DNAH2: variants seen among roughly 807,000 people sequenced by gnomAD.
DNAH2 encodes axonemal beta dynein heavy chain 2.
A neutral mutation model predicts 523.5 loss-of-function variants in DNAH2; 323 were observed. The observed-to-expected ratio is 0.62, with a 90% confidence interval of 0.56 to 0.68. DNAH2 has a LOEUF of 0.68. Ranked by LOEUF, DNAH2 falls within the 30% of genes least tolerant of loss-of-function variation. The pLI is 0.00. For synonymous variants in DNAH2, 2,093 were observed against 2,177.4 expected (o/e 0.96, Z 1.08); for missense variants, 4,907 against 5,701.5 (o/e 0.86, Z 4.49).
chr17:7,773,358 T>A (rs2076367966), intron 28 of DNAH2, among the ~76,000 whole-genome samples: 2 of 152,204 alleles, frequency 1.3e-5, no homozygotes, highest in African/African-American at 4.8e-5. Flanking sequence ...AGCTCTTGGG[T>A]TGGCCAGTGG....
rs35943055 is a variant in DNAH2 at position 7,826,535 on chromosome 17, C to CTTTTTTT, written c.11853+1824_11853+1830dup. Among the ~76,000 whole-genome samples the CTTTTTTT allele has an allele frequency of 1.5e-4, 17 of 111,254 alleles. No individual in the cohort carries two copies. The East Asian group carries it at 1.6e-3, about 10-fold the overall frequency. The allele number at this position is 111,254 out of a possible 152,430, so 73.0% of individuals were successfully genotyped here. The stretch of plus-strand genomic sequence containing the variant: ...CCTTGAATATCTGTGTGCCCATCAT[C>CTTTTTTT]TTTTTTTTTTTTTTTTTTTTTTGAG... On this transcript the variant is annotated intron_variant, in intron 77 of 85. Coordinates refer to ENST00000572933, the MANE Select transcript of DNAH2 (RefSeq NM_020877.5).
chr17:7,817,227 C>T, intron 64 of DNAH2, 63 bp from the exon 65 acceptor site: 1 of 1,551,246 alleles, frequency 6.4e-7, no homozygotes. Flanking sequence ...CCTTCAAAAG[C>T]ATTCCAAGTG....
At chr17:7,721,405 C>T (rs1412264704) in intron 2 of DNAH2, among the ~76,000 whole-genome samples, 1 of 152,098 alleles carries the variant, frequency 6.6e-6, no homozygotes, top group Non-Finnish European at 1.5e-5. Context: ...AACTCCTGTC[C>T]TCGAGTGATC....
At chr17:7,823,764 C>T (rs2077935507) in intron 74 of DNAH2, 70 bp from the exon 75 acceptor site, 2 of 1,587,592 alleles carry the variant, frequency 1.3e-6, no homozygotes, top group Non-Finnish European at 1.7e-6. Context: ...CCGGCAGGTG[C>T]CCCTTTGTCT....
At position 7,807,299 on chromosome 17, in the gene DNAH2, A is replaced by C; in HGVS notation, c.9592A>C (p.Met3198Leu). 6.2e-7 allele frequency: 1 copy of C among 1,612,978 alleles called. No individual in the cohort carries two copies. The highest frequency in any genetic ancestry group is 8.5e-7 in the Non-Finnish European group (1 of 1,179,684). The change falls in exon 62 of 86, where the codon ATG becomes CTG. Residue 3198 changes from methionine to leucine, a missense_variant. Coordinates refer to ENST00000572933, the MANE Select transcript of DNAH2 (RefSeq NM_020877.5). The surrounding 1 kb of genome is among the most constrained non-coding windows in gnomAD (Gnocchi z 5.6). ...RVSLAAKSLCMWVRAMELYGR... is the reference protein window; with the variant it reads ...RVSLAAKSLCLWVRAMELYGR... ...CTCCCTGGCTGCCAAGTCCCTCTGC[A>C]TGTGGGTGCGGGCCATGGAGGTAAA...
chr17:7,792,201 G>A, intron 45 of DNAH2, 51 bp from the exon 46 acceptor site: 1 of 1,604,288 alleles, frequency 6.2e-7, no homozygotes, highest in Non-Finnish European at 8.5e-7. Flanking sequence ...TCTCTGGGCT[G>A]GAGAAGGCTC....
At chr17:7,775,553 C>T (rs534492027) in intron 30 of DNAH2, among the ~76,000 whole-genome samples, 2 of 152,128 alleles carry the variant, frequency 1.3e-5, no homozygotes, top group East Asian at 1.9e-4. Context: ...GGCGCGGTGG[C>T]GCATGCTGGT....
intron 3 of DNAH2, among the ~76,000 whole-genome samples, chr17:7,726,132 A>T (rs1476275455): frequency 6.6e-6 from 1 of 151,910 alleles, no homozygotes; most frequent in Non-Finnish European, 1.5e-5. Flanking sequence ...CAGCCTCCCA[A>T]GTAGCTGGGA....
intron 18 of DNAH2, among the ~76,000 whole-genome samples, chr17:7,762,331 C>CTTT (rs35824439): frequency 2.8e-4 from 31 of 111,788 alleles, no homozygotes; most frequent in East Asian, 1.0e-3. Flanking sequence ...CGTAGGATTT[C>CTTT]TTTTTTTTTT....
At chr17:7,721,318 C>T (rs1229996175) in intron 2 of DNAH2, among the ~76,000 whole-genome samples, 2 of 152,140 alleles carry the variant, frequency 1.3e-5, no homozygotes, top group South Asian at 2.1e-4. Context: ...GGATTACAGG[C>T]GTGTGCCACC....
intron 52 of DNAH2, 64 bp from the exon 53 acceptor site, chr17:7,797,616 G>A: frequency 6.2e-7 from 1 of 1,613,828 alleles, no homozygotes; most frequent in African/African-American, 1.3e-5. Context: ...TCTGAAGTGT[G>A]GAGCCCTGTG....
In DNAH2 at chr17:7,774,720, G is replaced by A. The variant is rs151003263; in HGVS notation, c.4502-39G>A. 5.1e-3 allele frequency: 8,114 copies of A among 1,585,350 alleles called. 25 individuals are homozygous for A. Among genetic ancestry groups the A allele is most frequent in the Middle Eastern group, 8.5e-3 (51 of 5,968 alleles). On this transcript the variant is annotated intron_variant, in intron 28 of 85. Transcript: ENST00000572933. ...GGCATCCAGATCCGCCCAGGGCAGT[G>A]GAAATGAATCAAATGTCATTCATCG... is the stretch of plus-strand genomic sequence containing the variant.
Position 7,798,454 on chromosome 17 carries a change from C to G in DNAH2, c.8399-104C>G. The G allele has an allele frequency of 6.5e-7, 1 of 1,545,668 alleles. No individual in the cohort carries two copies. Among genetic ancestry groups the G allele is most frequent in the Non-Finnish European group, 8.7e-7 (1 of 1,146,632 alleles). On this transcript the variant is annotated intron_variant, in intron 54 of 85. Coordinates refer to ENST00000572933, the MANE Select transcript of DNAH2 (RefSeq NM_020877.5). The surrounding 1 kb of genome is among the most constrained non-coding windows in gnomAD (Gnocchi z 5.5). ...CCGTGTTGGGTGTAGGATGGTGTCG[C>G]GTGTATGCTGCGGGGCGGGGAGGGT...
chr17:7,734,268 C>A lies in DNAH2; in HGVS notation c.714C>A (p.Asp238Glu). ...MNMKPEMVIK[D>E]KELVQRLETS... ...TGAAGCCTGAGATGGTGATAAAGGA[C>A]AAAGAGCTGGTGCAACGGCTAGAGA... Residue 238 changes from aspartate (D) to glutamate (E), a missense_variant, in exon 6 of 86, where the codon GAC (aspartate) becomes GAA (glutamate). Coordinates refer to ENST00000572933, the MANE Select transcript of DNAH2 (RefSeq NM_020877.5). 1 of 1,607,188 alleles carries A rather than the reference C, an allele frequency of 6.2e-7. No individual in the cohort carries two copies. Among genetic ancestry groups the A allele is most frequent in the South Asian group, 1.1e-5 (1 of 89,746 alleles).
At chr17:7,731,565 T>C (rs2074989834) in intron 4 of DNAH2, among the ~76,000 whole-genome samples, 1 of 152,154 alleles carries the variant, frequency 6.6e-6, no homozygotes, top group Admixed American at 6.5e-5. Context: ...TATATAGCTA[T>C]AGAAAAATAT....
chr17:7,794,738 T>C (rs1204288782), intron 49 of DNAH2, among the ~76,000 whole-genome samples: 7 of 150,308 alleles, frequency 4.7e-5, no homozygotes, highest in Non-Finnish European at 1.0e-4. Flanking sequence ...GGAGAAATAA[T>C]ATGTTAACAC....
Position 7,743,062 on chromosome 17 carries a change from G to A in DNAH2, c.1824G>A (p.Lys608=), listed in dbSNP as rs756306287. The change falls in exon 12 of 86, where the codon AAG becomes AAA. Residue 608 remains lysine, a synonymous_variant. Coordinates refer to ENST00000572933, the MANE Select transcript of DNAH2 (RefSeq NM_020877.5). Reference sequence around the variant, plus strand: ...AAGAGTGGACATCAAGTCTGGACAAGGATTGCATTCGGCGGTTGGATACCC... The same window carrying A: ...AAGAGTGGACATCAAGTCTGGACAAAGATTGCATTCGGCGGTTGGATACCC... ...TFQEWTSSLD[K]DCIRRLDTPL... The A allele has an allele frequency of 2.0e-6, 3 of 1,536,426 alleles. No homozygotes were observed. The highest frequency in any genetic ancestry group is 1.8e-4 in the Middle Eastern group (1 of 5,670).
At chr17:7,749,531 C>G (rs1244837170) in intron 12 of DNAH2, among the ~76,000 whole-genome samples, 1 of 151,890 alleles carries the variant, frequency 6.6e-6, no homozygotes, top group Non-Finnish European at 1.5e-5. Context: ...TGTATCTATT[C>G]ACACACTTCC....
At chr17:7,796,870 A>G (rs555604524) in intron 50 of DNAH2, among the ~76,000 whole-genome samples, 1 of 146,904 alleles carries the variant, frequency 6.8e-6, no homozygotes, top group South Asian at 2.2e-4. Context: ...CAGGCAGATC[A>G]CCTGAGGTTA....
Sources: allele counts gnomAD v4.1 joint callset (sites outside exome capture counted in the v4.1 genomes callset), GRCh38; gene constraint gnomAD v4.1.1; non-coding constraint Gnocchi (gnomAD v3.1); transcripts MANE v1.5; gene names NCBI Gene and HGNC (gene_info 2026-07-23, HGNC 2026-07-21).